The following ADAMTS2 variants were observed in gnomAD, a reference collection of about 807,000 sequenced individuals.
ADAMTS2 encodes the protein A disintegrin and metalloproteinase with thrombospondin motifs 2.
A neutral mutation model predicts 123.0 loss-of-function variants in ADAMTS2; 50 were observed. The ratio of observed to expected loss-of-function variants is 0.41; its 90% CI spans 0.32 to 0.51. The LOEUF (loss-of-function observed/expected upper bound fraction) is 0.51, where lower values mean the gene tolerates loss of function less well. ADAMTS2 is among the 20% of genes least tolerant of loss of function. The pLI, the probability that ADAMTS2 is intolerant of heterozygous loss-of-function variation, is 0.35. For missense variants in ADAMTS2, 1,494 were observed against 1,705.2 expected (o/e 0.88, Z 2.18); for synonymous variants, 678 against 695.4 (o/e 0.98, Z 0.39).
chr5:179,318,818 C>T (rs991270423), intron 2 of ADAMTS2, among the ~76,000 whole-genome samples: 2 of 152,156 alleles, frequency 1.3e-5, no homozygotes, highest in Non-Finnish European at 2.9e-5. Context: ...CTCTGAGAGG[C>T]GGGGCCCCGA....
chr5:179,337,323 ACATGCTGGCC>A (rs940281097), intron 2 of ADAMTS2, among the ~76,000 whole-genome samples: 1 of 152,016 alleles, frequency 6.6e-6, no homozygotes, highest in Non-Finnish European at 1.5e-5. Context: ...ATACATAAAC[ACATGCTGGCC>A]CATGCTCACT....
intron 2 of ADAMTS2, among the ~76,000 whole-genome samples, chr5:179,300,074 G>A (rs1004655978): frequency 1.6e-5 from 2 of 127,202 alleles, no homozygotes; most frequent in East Asian, 2.4e-4. Context: ...CAGCCTGGGC[G>A]ACAGAGTGAG....
At chr5:179,257,170 C>A (rs1271528232) in intron 3 of ADAMTS2, among the ~76,000 whole-genome samples, 1 of 152,222 alleles carries the variant, frequency 6.6e-6, no homozygotes, top group Non-Finnish European at 1.5e-5. Context: ...CACACTCCTT[C>A]CCAGTTCAAG....
intron 10 of ADAMTS2, among the ~76,000 whole-genome samples, chr5:179,143,764 G>A (rs1269819922): frequency 6.6e-6 from 1 of 152,118 alleles, no homozygotes; most frequent in East Asian, 1.9e-4. Flanking sequence ...GTGACAAGGA[G>A]CTTTTTGAAG....
At chr5:179,216,908 A>T (rs572788974) in intron 3 of ADAMTS2, among the ~76,000 whole-genome samples, 2 of 152,316 alleles carry the variant, frequency 1.3e-5, no homozygotes, top group Non-Finnish European at 2.9e-5. Flanking sequence ...TACTGAGGGG[A>T]TCATGAGGAA....
chr5:179,277,324 C>CCTG, intron 2 of ADAMTS2, among the ~76,000 whole-genome samples: 1 of 57,814 alleles, frequency 1.7e-5, no homozygotes, highest in African/African-American at 1.3e-4. Flanking sequence ...GGCTGACACC[C>CCTG]CGAGACCAAA....
At chr5:179,328,622 A>G (rs1757377395) in intron 2 of ADAMTS2, among the ~76,000 whole-genome samples, 1 of 152,216 alleles carries the variant, frequency 6.6e-6, no homozygotes, top group Non-Finnish European at 1.5e-5. Context: ...GGGAATAAAG[A>G]TGTCTAAATT....
chr5:179,219,695 C>G (rs1213450016), intron 3 of ADAMTS2, among the ~76,000 whole-genome samples: 1 of 152,232 alleles, frequency 6.6e-6, no homozygotes, highest in Non-Finnish European at 1.5e-5. Context: ...GCGAGCCCCT[C>G]TGAGGTGTCC....
intron 4 of ADAMTS2, among the ~76,000 whole-genome samples, chr5:179,206,886 G>A (rs538297565): frequency 2.6e-5 from 4 of 152,256 alleles, no homozygotes; most frequent in Non-Finnish European, 5.9e-5. Flanking sequence ...CCCAGAAGAC[G>A]AAGGTGGCAC....
intron 2 of ADAMTS2, among the ~76,000 whole-genome samples, chr5:179,334,613 C>T (rs1205304912): frequency 6.6e-6 from 1 of 152,218 alleles, no homozygotes; most frequent in Non-Finnish European, 1.5e-5. Context: ...CTTAACATCG[C>T]TCTGAAGGTT....
At position 179,208,147 on chromosome 5, in the gene ADAMTS2, CT is replaced by C. The variant is rs1487599858; in HGVS notation, c.689-433del. The stretch of plus-strand genomic sequence containing the variant: ...GACGCTGGAGTGGGCAGAGCCACCC[CT>C]TGCCCACACTGCCCGATGCTGGAGT... On this transcript the variant is annotated intron_variant, in intron 3 of 21. Coordinates refer to ENST00000251582, the MANE Select transcript of ADAMTS2 (RefSeq NM_014244.5). 7.6e-5 allele frequency among the ~76,000 whole-genome samples: 11 copies of C among 145,482 alleles called. 2 individuals carry two copies. Among genetic ancestry groups the C allele is most frequent in the Admixed American group, 2.0e-4 (3 of 14,726 alleles).
intron 3 of ADAMTS2, among the ~76,000 whole-genome samples, chr5:179,226,197 T>C (rs1765279805): frequency 7.1e-6 from 1 of 139,954 alleles, no homozygotes; most frequent in Non-Finnish European, 1.6e-5. Flanking sequence ...TTTTCTTCTT[T>C]ATCTCTTTCT....
chr5:179,217,517 C>T (rs1765009570), intron 3 of ADAMTS2, among the ~76,000 whole-genome samples: 1 of 152,154 alleles, frequency 6.6e-6, no homozygotes, highest in Non-Finnish European at 1.5e-5. Flanking sequence ...GACCTCATGC[C>T]TTAAGCAAAA....
chr5:179,230,888 G>A (rs1282863626), intron 3 of ADAMTS2, among the ~76,000 whole-genome samples: 3 of 152,060 alleles, frequency 2.0e-5, no homozygotes, highest in Non-Finnish European at 4.4e-5. Context: ...GTGGGCGCCT[G>A]TAATTGCAGC....
Position 179,202,064 on chromosome 5 carries a change from A to G in ADAMTS2, c.891+5449T>C, listed in dbSNP as rs1482254306. ...GGGCAGCTTCATCTTTCCCATAGAA[A>G]AGGGAATATCACGTCTTGTCTTTAA... On this transcript the variant is annotated intron_variant, in intron 4 of 21. Coordinates refer to ENST00000251582, the MANE Select transcript of ADAMTS2 (RefSeq NM_014244.5). The surrounding 1 kb of genome is among the most constrained non-coding windows in gnomAD (Gnocchi z 4.0). 1.3e-5 allele frequency among the ~76,000 whole-genome samples: 2 copies of G among 152,180 alleles called. No individual in the cohort carries two copies. The highest frequency in any genetic ancestry group is 6.5e-5 in the Admixed American group (1 of 15,284).
At chr5:179,192,296 G>A (rs536144334) in intron 4 of ADAMTS2, among the ~76,000 whole-genome samples, 11 of 152,330 alleles carry the variant, frequency 7.2e-5, no homozygotes, top group South Asian at 2.1e-4. Context: ...ACAAGCTCAC[G>A]GCAAGGGTCG....
chr5:179,293,178 G>A (rs779271934), intron 2 of ADAMTS2, among the ~76,000 whole-genome samples: 11 of 152,182 alleles, frequency 7.2e-5, no homozygotes, highest in African/African-American at 1.4e-4. Flanking sequence ...TCTGCTCCCC[G>A]AAAATAAGGA....
At chr5:179,149,999 G>A (rs866671190) in intron 10 of ADAMTS2, among the ~76,000 whole-genome samples, 2 of 152,150 alleles carry the variant, frequency 1.3e-5, no homozygotes, top group Non-Finnish European at 2.9e-5. Context: ...GGGACACTTC[G>A]GTTGCATCTG....
Position 179,262,611 on chromosome 5 carries a change from G to C in ADAMTS2, c.688+10300C>G, listed in dbSNP as rs1304801990. The stretch of plus-strand genomic sequence containing the variant: ...CGGTAACTCCAGCCTCAGGGCTCCT[G>C]CATGTGCTGTTCCCTCTGCCTGGAA... On this transcript the variant is annotated intron_variant, in intron 3 of 21. Transcript: ENST00000251582. This position sits in a 1 kb window ranked among gnomAD's most constrained non-coding sequence, Gnocchi z 5.9. 6.6e-6 allele frequency among the ~76,000 whole-genome samples: 1 copy of C among 152,174 alleles called. No individual in the cohort carries two copies. The highest frequency in any genetic ancestry group is 1.5e-5 in the Non-Finnish European group (1 of 68,018).
Sources: gnomAD v4.1 joint callset for allele counts (sites outside exome capture counted in the v4.1 genomes callset) on GRCh38, gnomAD v4.1.1 for gene constraint, Gnocchi (gnomAD v3.1) non-coding constraint, MANE v1.5 for transcripts, NCBI Gene and HGNC (gene_info 2026-07-23, HGNC 2026-07-21) for gene names.